Variants in SYTL4 observed in about 807,000 individuals in gnomAD.
The protein encoded by SYTL4 is synaptotagmin-like protein 4.
Under a neutral mutation model 52.7 loss-of-function variants are expected in SYTL4, and 16 were observed. The observed-to-expected ratio is 0.30, with a 90% CI of 0.21 to 0.46. The LOEUF is 0.46. Among genes scored for constraint, SYTL4 ranks in the 20% least tolerant of loss-of-function variants. The pLI is 1.00. For missense variants in SYTL4, 423 were observed against 519.9 expected (o/e 0.81, Z 1.81); for synonymous variants, 160 against 186.6 (o/e 0.86, Z 1.16).
Position 100,687,848 on chromosome X carries a change from T to C in SYTL4, c.1005+503A>G, listed in dbSNP as rs144708897. 628 of 113,457 alleles carry C rather than the reference T, an allele frequency of 5.5e-3. 3 individuals are homozygous for C. The highest frequency in any genetic ancestry group is 0.02 in the African/African-American group (605 of 30,578). The allele number at this position is 113,457 out of a possible 1,213,427, so 9.4% of individuals were successfully genotyped here. A position where few individuals can be genotyped will look rare whatever the true frequency, so the allele number is the denominator to read the frequency against. On this transcript the variant is annotated intron_variant, in intron 13 of 19. Coordinates refer to ENST00000372989, the MANE Select transcript of SYTL4 (RefSeq NM_001370165.1). ...AATTCTGTTCACCCTTGTTCCTGTT[T>C]CCCTAAATATCAATCTTCATGCTTA...
intron 2 of SYTL4, among the ~76,000 whole-genome samples, chrX:100,721,273 TG>T (rs112032387): frequency 0.025 from 2,757 of 111,710 alleles, 41 homozygotes; most frequent in South Asian, 0.099. Context: ...ATACTCAAAA[TG>T]CCTAGATGGA....
chrX:100,730,810 A>G (rs186748080), intron 2 of SYTL4, among the ~76,000 whole-genome samples: 12 of 110,412 alleles, frequency 1.1e-4, no homozygotes, highest in Admixed American at 2.9e-4. Flanking sequence ...AAACCAAACA[A>G]CCAAAAACGC....
intron 2 of SYTL4, among the ~76,000 whole-genome samples, chrX:100,723,879 C>T (rs2084414553): frequency 1.0e-5 from 1 of 99,081 alleles, no homozygotes; most frequent in Admixed American, 1.0e-4. Flanking sequence ...AGGTGGGGGT[C>T]AGCCCCCGCC....
intron 2 of SYTL4, among the ~76,000 whole-genome samples, chrX:100,710,965 A>C (rs2084056263): frequency 8.9e-6 from 1 of 112,521 alleles, no homozygotes; most frequent in African/African-American, 3.2e-5. Flanking sequence ...CAGGGAAAGA[A>C]CTACCTGAAA....
At chrX:100,681,362 C>T (rs748718034) in intron 16 of SYTL4, 27 bp from the exon 17 acceptor site, 6 of 1,115,204 alleles carry the variant, frequency 5.4e-6, no homozygotes, top group Non-Finnish European at 7.3e-6. Flanking sequence ...CCCAACAGGT[C>T]AAGCTGGGCT....
chrX:100,707,325 CT>C (rs35891132), intron 2 of SYTL4, among the ~76,000 whole-genome samples: 14,192 of 110,299 alleles, frequency 0.13, 2,232 homozygotes, highest in African/African-American at 0.44. Context: ...TATCACAATA[CT>C]TTTTTTTAAA....
Position 100,702,061 on chromosome X carries a change from C to CT in SYTL4, c.-25dup, listed in dbSNP as rs1418400477. The stretch of plus-strand genomic sequence containing the variant: ...ATGATTTACTCAACTTTTTCTTCTA[C>CT]TCTTCTTTCTTCAAAACAACCAGAC... On this transcript the variant is annotated 5_prime_UTR_variant, in exon 5 of 20. Transcript: ENST00000372989. 5.4e-6 allele frequency: 6 copies of CT among 1,104,821 alleles called. No homozygotes were observed. The highest frequency in any genetic ancestry group is 7.4e-6 in the Non-Finnish European group (6 of 806,623). The allele number at this position is 1,104,821 out of a possible 1,213,427, so 91.0% of individuals were successfully genotyped here.
intron 12 of SYTL4, among the ~76,000 whole-genome samples, chrX:100,688,828 G>T (rs1188109711): frequency 2.7e-5 from 3 of 109,196 alleles, no homozygotes; most frequent in African/African-American, 1.0e-4. Context: ...GCCTCCCAAA[G>T]TGCTGAGATT....
chrX:100,705,306 A>G (rs894253145), intron 2 of SYTL4, among the ~76,000 whole-genome samples: 1 of 111,677 alleles, frequency 9.0e-6, no homozygotes, highest in African/African-American at 3.3e-5. Flanking sequence ...TATTACCCCC[A>G]TTGTATAGAT....
chrX:100,676,104 C>T lies in SYTL4; in HGVS notation c.1940G>A (p.Arg647Gln), dbSNP rs747955441. The T allele has an allele frequency of 2.5e-6, 3 of 1,210,621 alleles. No homozygotes were observed. Among genetic ancestry groups the T allele is most frequent in the South Asian group, 1.8e-5 (1 of 56,892 alleles). ...TTCTGCCCAAGACCCTGGGTACTGT[C>T]GCATCTTCTGCCACAGGCTCACTTC... ...GEEVSLWQKMRQYPGSWAEGT... is the reference protein window; with the variant it reads ...GEEVSLWQKMQQYPGSWAEGT... The change falls in exon 20 of 20, where the codon CGA becomes CAA. Residue 647 changes from arginine to glutamine, a missense_variant. Transcript: ENST00000372989.
Position 100,714,263 on chromosome X carries a change from ATT to A in SYTL4, c.-239-9379_-239-9378del, listed in dbSNP as rs373405140. On this transcript the variant is annotated intron_variant, in intron 2 of 19. Coordinates refer to ENST00000372989, the MANE Select transcript of SYTL4 (RefSeq NM_001370165.1). ...AAACACTAAAATATTTTATGTCAAG[ATT>A]TTTTTTTTTTTTTTGAGATGGAGTC... Among the ~76,000 whole-genome samples the A allele has an allele frequency of 1.3e-3, 126 of 96,417 alleles. 1 individual carries two copies. The South Asian group carries it at 0.022, about 17-fold the overall frequency. The allele number at this position is 96,417 out of a possible 115,157, so 83.7% of individuals were successfully genotyped here.
intron 2 of SYTL4, among the ~76,000 whole-genome samples, chrX:100,724,309 G>A (rs1250037340): frequency 9.7e-6 from 1 of 103,465 alleles, no homozygotes; most frequent in African/African-American, 3.6e-5. Flanking sequence ...GCCTCTGCCC[G>A]GCCGCCCCTA....
intron 8 of SYTL4, among the ~76,000 whole-genome samples, chrX:100,696,176 C>T (rs1446102975): frequency 9.0e-6 from 1 of 111,680 alleles, no homozygotes; most frequent in Non-Finnish European, 1.9e-5. Context: ...TACAAACATA[C>T]GTTTTCCCTT....
intron 2 of SYTL4, among the ~76,000 whole-genome samples, chrX:100,713,656 C>T (rs970337799): frequency 2.7e-5 from 3 of 109,764 alleles, no homozygotes; most frequent in African/African-American, 1.0e-4. Context: ...CACAGATTTG[C>T]ATGGAAATGT....
At chrX:100,730,016 G>A (rs1413101375) in intron 2 of SYTL4, among the ~76,000 whole-genome samples, 5 of 111,099 alleles carry the variant, frequency 4.5e-5, no homozygotes, top group Non-Finnish European at 7.5e-5. Flanking sequence ...ATCACCCTCA[G>A]GCTCTCTGGT....
At chrX:100,681,461 T>C (rs2083374066) in intron 16 of SYTL4, 126 bp from the exon 17 acceptor site, 2 of 489,802 alleles carry the variant, frequency 4.1e-6, no homozygotes, top group Non-Finnish European at 6.9e-6. Flanking sequence ...TCCTTCTTCA[T>C]ATGAATATAA....
chrX:100,712,190 G>A (rs998807665), intron 2 of SYTL4, among the ~76,000 whole-genome samples: 1 of 111,625 alleles, frequency 9.0e-6, no homozygotes, highest in Non-Finnish European at 1.9e-5. Context: ...AGAAATATAG[G>A]TTTACAAAAA....
At position 100,675,248 on chromosome X, in the gene SYTL4, T is replaced by G. The variant is rs1456894507; in HGVS notation, c.*780A>C. 3 of 112,952 alleles carry G rather than the reference T, an allele frequency of 2.7e-5. No homozygotes were observed. The highest frequency in any genetic ancestry group is 5.6e-5 in the Non-Finnish European group (3 of 53,372). 9.3% of individuals were successfully genotyped at this position (112,952 alleles called of 1,213,427 possible). ...TGAGACACTTTACCCTCAGTCACTCTGGTCCTCTGAGATCAGCTAGAAGCT... is the reference window on the plus strand; with the variant it reads ...TGAGACACTTTACCCTCAGTCACTCGGGTCCTCTGAGATCAGCTAGAAGCT... On this transcript the variant is annotated 3_prime_UTR_variant, in exon 20 of 20. Transcript: ENST00000372989.
At chrX:100,722,607 G>T (rs1416842894) in intron 2 of SYTL4, among the ~76,000 whole-genome samples, 1 of 111,008 alleles carries the variant, frequency 9.0e-6, no homozygotes, top group Non-Finnish European at 1.9e-5. Flanking sequence ...CAAGGATTTT[G>T]CTCTATTAAT....
Sources: allele counts gnomAD v4.1 joint callset (sites outside exome capture counted in the v4.1 genomes callset), GRCh38; gene constraint gnomAD v4.1.1; transcripts MANE v1.5; gene names NCBI Gene and HGNC (gene_info 2026-07-23, HGNC 2026-07-21).